Variants in QRICH1 observed in about 807,000 individuals in gnomAD.
The protein encoded by QRICH1 is transcriptional regulator QRICH1.
A neutral mutation model predicts 87.1 loss-of-function variants in QRICH1; 16 were observed. That is an observed-to-expected ratio of 0.18 (90% CI 0.12 to 0.28). QRICH1 has a LOEUF of 0.28. Among genes scored for constraint, QRICH1 ranks in the 10% least tolerant of loss-of-function variants. QRICH1 has a pLI of 1.00. For synonymous variants in QRICH1, 367 were observed against 368.4 expected (o/e 1.00, Z 0.05); for missense variants, 647 against 951.7 (o/e 0.68, Z 4.21).
intron 2 of QRICH1, among the ~76,000 whole-genome samples, chr3:49,071,270 T>C (rs1271597930): frequency 1.3e-5 from 2 of 152,138 alleles, no homozygotes; most frequent in Non-Finnish European, 2.9e-5. Flanking sequence ...TTCACTGTGT[T>C]AGCCAGGATG....
chr3:49,087,818 C>CAAAAAAAAAAAAAAA (rs58022360), intron 1 of QRICH1, among the ~76,000 whole-genome samples: 530 of 47,654 alleles, frequency 0.011, 91 homozygotes, highest in East Asian at 0.019. Context: ...AGGTTCATCT[C>CAAAAAAAAAAAAAAA]AAAAAAAAAA....
At chr3:49,071,970 G>A (rs1575367305) in intron 2 of QRICH1, among the ~76,000 whole-genome samples, 1 of 152,170 alleles carries the variant, frequency 6.6e-6, no homozygotes, top group African/African-American at 2.4e-5. Context: ...GGGATTACAG[G>A]TGTGAGCCAC....
chr3:49,061,326 G>C (rs758154686), intron 2 of QRICH1, among the ~76,000 whole-genome samples: 1 of 151,852 alleles, frequency 6.6e-6, no homozygotes. Context: ...TAATGGGAAA[G>C]GCATTTAAAT....
In QRICH1 at chr3:49,057,948, C is replaced by T. The variant is rs777373590; in HGVS notation, c.310-58G>A. On this transcript the variant is annotated intron_variant, in intron 2 of 9. Coordinates refer to ENST00000395443, the MANE Select transcript of QRICH1 (RefSeq NM_198880.3). The surrounding 1 kb of genome is among the most constrained non-coding windows in gnomAD (Gnocchi z 5.4). ...CAGGCAGCACTGAAAATCCAGTACC[C>T]AAGGAAAGAAAGAAAAGAGATCCCA... 6.2e-7 allele frequency: 1 copy of T among 1,612,476 alleles called. No homozygotes were observed. Among genetic ancestry groups the T allele is most frequent in the Non-Finnish European group, 8.5e-7 (1 of 1,179,858 alleles).
intron 2 of QRICH1, chr3:49,058,114 A>C (rs1038653015): frequency 6.6e-6 from 5 of 753,612 alleles, no homozygotes; most frequent in South Asian, 2.0e-5. Flanking sequence ...AGAGCAAGCA[A>C]GACAATTAAC....
At chr3:49,044,230 C>T (rs1440250223) in intron 6 of QRICH1, among the ~76,000 whole-genome samples, 160 bp downstream of exon 6, 1 of 152,180 alleles carries the variant, frequency 6.6e-6, no homozygotes, top group Non-Finnish European at 1.5e-5. Context: ...GTGAGCAGTG[C>T]CTCTTCCCTA....
intron 4 of QRICH1, 118 bp from the exon 5 acceptor site, chr3:49,046,697 TG>T: frequency 8.8e-7 from 1 of 1,134,128 alleles, no homozygotes; most frequent in Non-Finnish European, 1.2e-6. Context: ...TCTACTAGAA[TG>T]TTTCATGCCT....
intron 6 of QRICH1, among the ~76,000 whole-genome samples, chr3:49,044,172 C>T (rs2093326837): frequency 6.6e-6 from 1 of 152,218 alleles, no homozygotes; most frequent in African/African-American, 2.4e-5. Context: ...CCCACTAGTT[C>T]TGCTTGTTCC....
intron 1 of QRICH1, among the ~76,000 whole-genome samples, chr3:49,087,411 G>A: frequency 6.6e-6 from 1 of 151,492 alleles, no homozygotes. Flanking sequence ...AATTAGCCAG[G>A]TGTGGTGCCT....
At chr3:49,061,720 T>C (rs1359657701) in intron 2 of QRICH1, among the ~76,000 whole-genome samples, 1 of 151,750 alleles carries the variant, frequency 6.6e-6, no homozygotes, top group Non-Finnish European at 1.5e-5. Flanking sequence ...GGCATGGTGG[T>C]GCATGCCTGT....
rs1196752599 is a variant in QRICH1, at chr3:49,032,569, A to ACAGGG, written c.2047+48_2047+52dup. On this transcript the variant is annotated intron_variant, in intron 8 of 9. Coordinates refer to ENST00000395443, the MANE Select transcript of QRICH1 (RefSeq NM_198880.3). ...CTAGCCTCACAGGCACAAGGGCAGG[A>ACAGGG]CAGGGCAGGACAAGTAGCACCTGTT... 2.7e-6 allele frequency: 4 copies of ACAGGG among 1,504,740 alleles called. No homozygotes were observed. In the African/African-American group the frequency reaches 5.6e-5, roughly 21 times the overall value. The allele number at this position is 1,504,740 out of a possible 1,614,324, so 93.2% of individuals were successfully genotyped here.
At chr3:49,062,776 G>A (rs558334637) in intron 2 of QRICH1, among the ~76,000 whole-genome samples, 2 of 151,938 alleles carry the variant, frequency 1.3e-5, no homozygotes, top group South Asian at 4.2e-4. Flanking sequence ...GGGAGGCCGA[G>A]GCAGGCGGAT....
At chr3:49,082,540 C>CTTCAAA (rs2042081411) in intron 1 of QRICH1, among the ~76,000 whole-genome samples, 1 of 151,886 alleles carries the variant, frequency 6.6e-6, no homozygotes, top group Admixed American at 6.6e-5. Context: ...AAAATAAAAG[C>CTTCAAA]TTCAAAAAGT....
At chr3:49,062,447 G>A (rs1344966646) in intron 2 of QRICH1, among the ~76,000 whole-genome samples, 8 of 135,524 alleles carry the variant, frequency 5.9e-5, no homozygotes, top group Admixed American at 4.7e-4. Context: ...TGCAACCTCC[G>A]CCTCCCTGGT....
intron 2 of QRICH1, among the ~76,000 whole-genome samples, chr3:49,071,518 G>A (rs2106958845): frequency 6.6e-6 from 1 of 152,270 alleles, no homozygotes; most frequent in Middle Eastern, 3.4e-3. Context: ...TGCACTTTGG[G>A]AGGCTGAGGC....
chr3:49,086,668 G>T (rs1417111991), intron 1 of QRICH1, among the ~76,000 whole-genome samples: 1 of 152,032 alleles, frequency 6.6e-6, no homozygotes, highest in African/African-American at 2.4e-5. Context: ...ATGGACAAAG[G>T]TTACTCCAAA....
In QRICH1 at chr3:49,033,143, G is replaced by A. The variant is rs746236692; in HGVS notation, c.1872C>T (p.Thr624=). Residue 624 remains threonine (T), a synonymous_variant, in exon 7 of 10, where the codon ACC becomes ACT. Transcript: ENST00000395443. Reference sequence around the variant, plus strand: ...ACTTGGTATTAAAGAACATGAGGGTGGTCAGCAAGGTGGAGGGGGAGTGAG... The same window carrying A: ...ACTTGGTATTAAAGAACATGAGGGTAGTCAGCAAGGTGGAGGGGGAGTGAG... ...LGAHSPSTLL[T]TLMFFNTKYF... is the part of the protein sequence containing the mutation. The A allele has an allele frequency of 1.9e-6, 3 of 1,572,946 alleles. No individual in the cohort carries two copies. The highest frequency in any genetic ancestry group is 1.7e-4 in the Middle Eastern group (1 of 5,892).
chr3:49,084,641 G>A (rs2042133201), intron 1 of QRICH1, among the ~76,000 whole-genome samples: 2 of 151,232 alleles, frequency 1.3e-5, no homozygotes, highest in African/African-American at 2.4e-5. Flanking sequence ...GCAGCCACCC[G>A]TAATCCCAGC....
intron 3 of QRICH1, among the ~76,000 whole-genome samples, chr3:49,056,037 G>A (rs1039228973): frequency 2.7e-5 from 4 of 150,592 alleles, no homozygotes; most frequent in Non-Finnish European, 5.9e-5. Context: ...ATGCAATGGC[G>A]CAATCTCAGC....
Sources: allele counts gnomAD v4.1 joint callset (sites outside exome capture counted in the v4.1 genomes callset), GRCh38; gene constraint gnomAD v4.1.1; non-coding constraint Gnocchi (gnomAD v3.1); transcripts MANE v1.5; gene names NCBI Gene and HGNC (gene_info 2026-07-23, HGNC 2026-07-21).